YLPM1: variants seen among roughly 807,000 people sequenced by gnomAD.
YLPM1 encodes the protein YLP motif containing 1, also known as YLP motif-containing protein 1.
A neutral mutation model predicts 230.0 loss-of-function variants in YLPM1; 99 were observed. That is an observed-to-expected ratio of 0.43 (90% CI 0.37 to 0.51). The LOEUF (loss-of-function observed/expected upper bound fraction) is 0.51. YLPM1 is among the 20% of genes least tolerant of loss of function. The pLI, the probability that YLPM1 is intolerant of heterozygous loss-of-function variation, is 0.00. For synonymous variants in YLPM1, 984 were observed against 942.5 expected, an observed-to-expected ratio of 1.04 and a Z score of -0.81; for missense variants, 2,592 against 2,707.7, an observed-to-expected ratio of 0.96 and a Z score of 0.95.
At position 74,764,095 on chromosome 14, in the gene YLPM1, G is replaced by T; in HGVS notation, c.606G>T (p.Ala202=). The T allele has an allele frequency of 1.2e-6, 2 of 1,611,060 alleles. No individual in the cohort carries two copies. Among genetic ancestry groups the T allele is most frequent in the Non-Finnish European group, 8.5e-7 (1 of 1,179,236 alleles). The part of the protein sequence containing the change: ...SQSPPSQSYL[A]PTPSYSSSSS... ...CCCCACCTTCCCAATCCTACCTGGC[G>T]CCCACCCCTTCTTACTCATCCTCCT... Residue 202 remains alanine, a synonymous_variant, in exon 1 of 21, where the codon GCG becomes GCT. Coordinates refer to ENST00000325680, the MANE Select transcript of YLPM1 (RefSeq NM_019589.3).
chr14:74,807,143 A>G (rs2091387461), intron 6 of YLPM1, among the ~76,000 whole-genome samples: 1 of 152,174 alleles, frequency 6.6e-6, no homozygotes, highest in Admixed American at 6.5e-5. Flanking sequence ...CTTCTGTATT[A>G]GTCAACTCCA....
At position 74,797,856 on chromosome 14, in the gene YLPM1, G is replaced by C; in HGVS notation, c.2559G>C (p.Lys853Asn). 6.2e-7 allele frequency: 1 copy of C among 1,613,952 alleles called. No homozygotes were observed. The highest frequency in any genetic ancestry group is 8.5e-7 in the Non-Finnish European group (1 of 1,179,876). ...GACAGCAGCATCAGCAGCAACCTAA[G>C]TCACAAGCAGAACCTCTTTCAGGAA... ...AFGQQHQQQP[K>N]SQAEPLSGNK... Residue 853 changes from lysine (K) to asparagine (N), a missense_variant, in exon 5 of 21, where the codon AAG becomes AAC. Lys to Asn is a moderately conservative substitution (Grantham distance 94). Coordinates refer to ENST00000325680, the MANE Select transcript of YLPM1 (RefSeq NM_019589.3).
In YLPM1 at chr14:74,782,332, C is replaced by G; in HGVS notation, c.2282+7C>G. 6.7e-7 allele frequency: 1 copy of G among 1,490,664 alleles called. No individual in the cohort carries two copies. The highest frequency in any genetic ancestry group is 8.8e-7 in the Non-Finnish European group (1 of 1,130,480). The allele number at this position is 1,490,664 out of a possible 1,614,324, so 92.3% of individuals were successfully genotyped here. Reference sequence around the variant, plus strand: ...AAAGTCCAAGAGGCCCAAGGTAGGTCTGCTTTTTTTTCTCTTTTTTTTTGG... The same window carrying G: ...AAAGTCCAAGAGGCCCAAGGTAGGTGTGCTTTTTTTTCTCTTTTTTTTTGG... On this transcript the variant is annotated splice_region_variant and intron_variant, in intron 4 of 20. Coordinates refer to ENST00000325680, the MANE Select transcript of YLPM1 (RefSeq NM_019589.3).
intron 19 of YLPM1, among the ~76,000 whole-genome samples, chr14:74,832,008 T>G (rs1306106652): frequency 6.6e-6 from 1 of 152,246 alleles, no homozygotes; most frequent in Non-Finnish European, 1.5e-5. Context: ...CTATGGAAGG[T>G]GAACCTTTCC....
intron 1 of YLPM1, among the ~76,000 whole-genome samples, chr14:74,769,686 G>A (rs1347676328): frequency 6.6e-6 from 1 of 150,792 alleles, no homozygotes; most frequent in Non-Finnish European, 1.5e-5. Flanking sequence ...GCCTCCCAAA[G>A]TGCTGGGATT....
At chr14:74,829,408 G>T in intron 19 of YLPM1, 65 bp downstream of exon 19, 1 of 1,597,748 alleles carries the variant, frequency 6.3e-7, no homozygotes, top group Non-Finnish European at 8.5e-7. Context: ...GTTTTAGGAA[G>T]TTACAGGCAG....
intron 9 of YLPM1, among the ~76,000 whole-genome samples, chr14:74,810,744 A>G (rs960942973): frequency 2.7e-5 from 4 of 148,380 alleles, no homozygotes; most frequent in African/African-American, 1.0e-4. Context: ...TATTATTATT[A>G]TACCTAAGGG....
At chr14:74,766,389 A>T (rs1244933050) in intron 1 of YLPM1, among the ~76,000 whole-genome samples, 1 of 152,198 alleles carries the variant, frequency 6.6e-6, no homozygotes, top group African/African-American at 2.4e-5. Context: ...CAAAATAGAG[A>T]AAAAAGTATG....
chr14:74,763,835 A>G lies in YLPM1; in HGVS notation c.346A>G (p.Ser116Gly). 6.6e-7 allele frequency: 1 copy of G among 1,510,464 alleles called. No individual in the cohort carries two copies. 93.6% of individuals were successfully genotyped at this position (1,510,464 alleles called of 1,614,324 possible). ...PMPPPPGPAL[S>G]YQKQQQYKHQ... ...GCCCCCGCCACCCGGGCCGGCCCTC[A>G]GCTATCAGAAGCAGCAGCAGTACAA... The change falls in exon 1 of 21, where the codon AGC becomes GGC. Residue 116 changes from serine (S) to glycine (G), a missense_variant. Physicochemically the swap from Ser to Gly is moderately conservative, Grantham distance 56. Around this residue, in one of 4 missense-constraint regions of YLPM1, gnomAD observed 1,862 missense variants for 1,819.8 expected, o/e 1.02. Transcript: ENST00000325680.
At chr14:74,805,023 C>CTT (rs369306225) in intron 6 of YLPM1, among the ~76,000 whole-genome samples, 217 of 139,088 alleles carry the variant, frequency 1.6e-3, no homozygotes, top group South Asian at 3.8e-3. Context: ...TTCTTTTTTC[C>CTT]TTTTTTTTTT....
Position 74,827,088 on chromosome 14 carries a change from G to A in YLPM1, c.6164-2125G>A, listed in dbSNP as rs61544079. ...TAGGTGCATAATCTTGTATGTTTAC[G>A]TTGAACAGATTTTCAGAAATACCAT... On this transcript the variant is annotated intron_variant, in intron 18 of 20. Coordinates refer to ENST00000325680, the MANE Select transcript of YLPM1 (RefSeq NM_019589.3). Among the ~76,000 whole-genome samples the A allele has an allele frequency of 5.1e-3, 783 of 152,162 alleles. 6 individuals are homozygous for A. Among genetic ancestry groups the A allele is most frequent in the African/African-American group, 0.016 (674 of 41,494 alleles).
At chr14:74,825,123 C>A (rs533744095) in intron 18 of YLPM1, among the ~76,000 whole-genome samples, 1 of 152,220 alleles carries the variant, frequency 6.6e-6, no homozygotes, top group Non-Finnish European at 1.5e-5. Context: ...GTTTATGTTT[C>A]TTTTCCTGGT....
chr14:74,831,416 AG>A (rs2091608119), intron 19 of YLPM1, among the ~76,000 whole-genome samples: 1 of 152,242 alleles, frequency 6.6e-6, no homozygotes, highest in Non-Finnish European at 1.5e-5. Context: ...TCCAGTTTTA[AG>A]GCTGGAGCCA....
intron 6 of YLPM1, among the ~76,000 whole-genome samples, chr14:74,808,678 C>T (rs997351759): frequency 1.4e-4 from 21 of 151,988 alleles, no homozygotes; most frequent in African/African-American, 5.1e-4. Context: ...GTGGCGGGTG[C>T]CTGTAATCCC....
At chr14:74,785,962 T>G (rs2091145690) in intron 4 of YLPM1, among the ~76,000 whole-genome samples, 1 of 152,186 alleles carries the variant, frequency 6.6e-6, no homozygotes, top group African/African-American at 2.4e-5. Flanking sequence ...TATCAATGGA[T>G]GTTGGTTTTC....
Position 74,764,325 on chromosome 14 carries a change from C to T in YLPM1, c.836C>T (p.Ala279Val), listed in dbSNP as rs765728393. 1.2e-6 allele frequency: 2 copies of T among 1,612,856 alleles called. No homozygotes were observed. The highest frequency in any genetic ancestry group is 1.7e-5 in the Admixed American group (1 of 59,834). The change falls in exon 1 of 21, where the codon GCC (alanine) becomes GTC (valine). Residue 279 changes from alanine to valine, a missense_variant. Around this residue, in one of 4 missense-constraint regions of YLPM1, gnomAD observed 1,862 missense variants for 1,819.8 expected, o/e 1.02. Transcript: ENST00000325680. ...AKNKSTEQQQ[A>V]APEPDPSTMT... ...AACAAGAGTACTGAACAGCAGCAAG[C>T]CGCCCCTGAGCCAGATCCCTCTACG... is the stretch of plus-strand genomic sequence containing the variant.
At chr14:74,830,172 T>C (rs2091597108) in intron 19 of YLPM1, among the ~76,000 whole-genome samples, 1 of 152,178 alleles carries the variant, frequency 6.6e-6, no homozygotes, top group Non-Finnish European at 1.5e-5. Context: ...CACTGATGAT[T>C]GTAGTTTGTC....
chr14:74,799,318 C>T lies in YLPM1; in HGVS notation c.4021C>T (p.Pro1341Ser). ...LPPLPPLPPLPPLDRYRDDRW... is the reference protein window; with the variant it reads ...LPPLPPLPPLSPLDRYRDDRW... ...ACCTTTACCGCCCCTCCCACCTCTT[C>T]CACCTTTGGATAGATATCGGGATGA... The change falls in exon 5 of 21, where the codon CCA becomes TCA. Residue 1341 changes from proline to serine, a missense_variant. Around this residue, in one of 4 missense-constraint regions of YLPM1, gnomAD observed 1,862 missense variants for 1,819.8 expected, o/e 1.02. Transcript: ENST00000325680. 1.2e-6 allele frequency: 2 copies of T among 1,614,000 alleles called. No homozygotes were observed. The highest frequency in any genetic ancestry group is 2.2e-5 in the East Asian group (1 of 44,884).
chr14:74,828,420 C>T (rs2091583217), intron 18 of YLPM1, among the ~76,000 whole-genome samples: 6 of 152,150 alleles, frequency 3.9e-5, no homozygotes, highest in Admixed American at 3.9e-4. Context: ...ATAAAAGACT[C>T]AACACATTTT....
Sources: allele counts gnomAD v4.1 joint callset (sites outside exome capture counted in the v4.1 genomes callset), GRCh38; gene constraint gnomAD v4.1.1; regional missense constraint gnomAD v4.1.1; transcripts MANE v1.5; gene names NCBI Gene and HGNC (gene_info 2026-07-23, HGNC 2026-07-21).